Variants in PXDNL observed in about 807,000 individuals in gnomAD.
The protein encoded by PXDNL is peroxidasin like.
Under a neutral mutation model 150.8 loss-of-function variants are expected in PXDNL, and 145 were observed. That is an observed-to-expected ratio of 0.96 (90% confidence interval 0.84 to 1.10). The LOEUF is 1.10. Among genes scored for constraint, PXDNL ranks in the 50% least tolerant of loss-of-function variants. The pLI is 0.00. For missense variants in PXDNL, 2,087 were observed against 1,873.9 expected (o/e 1.11, Z -2.10); for synonymous variants, 757 against 725.7 (o/e 1.04, Z -0.69).
rs375937011 is a variant in PXDNL at position 51,676,115 on chromosome 8, G to A, written c.165-21355C>T. ...TATAGATGGTAAGTCCTCAGTAAAT[G>A]TGCCTTATTACTTAGATTGTTGTTG... On this transcript the variant is annotated intron_variant, in intron 1 of 22. Transcript: ENST00000356297. Among the ~76,000 whole-genome samples, 12 of 152,250 alleles carry A rather than the reference G, an allele frequency of 7.9e-5. No individual in the cohort carries two copies. In the East Asian group the frequency reaches 1.7e-3, roughly 22 times the overall value.
chr8:51,469,918 C>A (rs571425005), intron 8 of PXDNL, among the ~76,000 whole-genome samples: 1 of 151,992 alleles, frequency 6.6e-6, no homozygotes, highest in Admixed American at 6.6e-5. Flanking sequence ...TTTACCCATA[C>A]TTTTCTTTAT....
At chr8:51,608,054 A>AAAGAAAGC (rs1554557536) in intron 2 of PXDNL, among the ~76,000 whole-genome samples, 360 of 111,590 alleles carry the variant, frequency 3.2e-3, no homozygotes, top group African/African-American at 4.9e-3. Context: ...AGAAAGAAAG[A>AAAGAAAGC]AAGCAAGCAA....
intron 19 of PXDNL, among the ~76,000 whole-genome samples, chr8:51,363,048 A>G (rs1325549699): frequency 2.0e-5 from 3 of 152,166 alleles, no homozygotes; most frequent in Non-Finnish European, 4.4e-5. Context: ...TTCCTAGAAC[A>G]GCAGCTACCA....
chr8:51,465,493 A>G (rs1810185661), intron 8 of PXDNL, among the ~76,000 whole-genome samples: 1 of 152,212 alleles, frequency 6.6e-6, no homozygotes, highest in Non-Finnish European at 1.5e-5. Flanking sequence ...GAGAACCAAA[A>G]CAAGACAAGA....
intron 8 of PXDNL, among the ~76,000 whole-genome samples, chr8:51,458,468 A>C (rs1809987988): frequency 6.6e-6 from 1 of 152,234 alleles, no homozygotes; most frequent in Non-Finnish European, 1.5e-5. Flanking sequence ...ATGAGAAGGT[A>C]TATAGATTTT....
chr8:51,552,769 A>G (rs547378930), intron 4 of PXDNL, among the ~76,000 whole-genome samples: 3 of 152,312 alleles, frequency 2.0e-5, no homozygotes, highest in South Asian at 4.1e-4. Context: ...CTCAAAAATT[A>G]CCACTAAAGA....
chr8:51,536,684 A>C (rs1812086010), intron 4 of PXDNL, among the ~76,000 whole-genome samples: 1 of 151,806 alleles, frequency 6.6e-6, no homozygotes, highest in African/African-American at 2.4e-5. Flanking sequence ...TTTCTTCGTA[A>C]TATATCACAA....
chr8:51,623,020 G>A (rs1460740291), intron 2 of PXDNL, among the ~76,000 whole-genome samples: 6 of 152,208 alleles, frequency 3.9e-5, no homozygotes, highest in African/African-American at 1.4e-4. Flanking sequence ...GCTCTGCTCA[G>A]TATAAAGCTT....
At chr8:51,532,820 A>G (rs1026100543) in intron 4 of PXDNL, among the ~76,000 whole-genome samples, 10 of 152,060 alleles carry the variant, frequency 6.6e-5, no homozygotes, top group African/African-American at 2.4e-4. Context: ...AACAAATGAT[A>G]GAATAAGCTT....
At position 51,409,239 on chromosome 8, in the gene PXDNL, G is replaced by T. The variant is rs755904480; in HGVS notation, c.2385C>A (p.Pro795=). Residue 795 remains proline, a synonymous_variant, in exon 17 of 23, where the codon CCC becomes CCA. Transcript: ENST00000356297. ...TVWARAAAVT[P]DHSYTRMLMH... is the part of the protein sequence containing the mutation. Reference sequence around the variant, plus strand: ...TGAGCATGCGCGTGTAGCTGTGGTCGGGGGTGACGGCCGCCGCGCGCGCCC... The same window carrying T: ...TGAGCATGCGCGTGTAGCTGTGGTCTGGGGTGACGGCCGCCGCGCGCGCCC... The T allele has an allele frequency of 6.6e-7, 1 of 1,525,218 alleles. No individual in the cohort carries two copies. Among genetic ancestry groups the T allele is most frequent in the African/African-American group, 1.4e-5 (1 of 72,306 alleles). The allele number at this position is 1,525,218 out of a possible 1,614,324, so 94.5% of individuals were successfully genotyped here. A position where few individuals can be genotyped will look rare whatever the true frequency, so the allele number is the denominator to read the frequency against.
chr8:51,357,572 A>G (rs1055088021), intron 19 of PXDNL, among the ~76,000 whole-genome samples: 7 of 152,210 alleles, frequency 4.6e-5, no homozygotes, highest in African/African-American at 1.4e-4. Context: ...GCTCATATTG[A>G]CAAAATCAGA....
At chr8:51,480,389 C>T (rs1433935371) in intron 6 of PXDNL, among the ~76,000 whole-genome samples, 2 of 152,110 alleles carry the variant, frequency 1.3e-5, no homozygotes, top group African/African-American at 4.8e-5. Context: ...CAGAAGCAGG[C>T]ACTTCACATA....
rs1008660061 is a variant in PXDNL at position 51,781,707 on chromosome 8, G to A, written c.164+27474C>T. Among the ~76,000 whole-genome samples, 9 of 152,314 alleles carry A rather than the reference G, an allele frequency of 5.9e-5. No homozygotes were observed. In the South Asian group the frequency reaches 1.2e-3, roughly 21 times the overall value. On this transcript the variant is annotated intron_variant, in intron 1 of 22. Transcript: ENST00000356297. ...AAGGAAAATATGTTACCACAGGGGA[G>A]AAACAGGGTGGTCCAGCCTGGCAAG...
At chr8:51,326,476 T>C (rs1263646187) in intron 21 of PXDNL, among the ~76,000 whole-genome samples, 2 of 152,132 alleles carry the variant, frequency 1.3e-5, no homozygotes, top group East Asian at 3.9e-4. Flanking sequence ...CTAGCCTGGG[T>C]GAGTGAGACT....
rs534357243 is a variant in PXDNL, at chr8:51,610,315, G to C, written c.237-17617C>G. ...ATCATTAGCACCATCCATAGTTCTG[G>C]AGCTATAAAGAACACATTTTTAATA... On this transcript the variant is annotated intron_variant, in intron 2 of 22. Transcript: ENST00000356297. 5.3e-5 allele frequency among the ~76,000 whole-genome samples: 8 copies of C among 152,166 alleles called. No homozygotes were observed. The East Asian group carries it at 1.5e-3, about 29-fold the overall frequency.
At chr8:51,402,950 C>G (rs1235384167) in intron 17 of PXDNL, among the ~76,000 whole-genome samples, 1 of 150,636 alleles carries the variant, frequency 6.6e-6, no homozygotes, top group Non-Finnish European at 1.5e-5. Context: ...ATTAGCCGGG[C>G]GAGGTGGCCG....
At chr8:51,377,416 C>G (rs574845886) in intron 17 of PXDNL, among the ~76,000 whole-genome samples, 6 of 152,186 alleles carry the variant, frequency 3.9e-5, no homozygotes, top group African/African-American at 1.4e-4. Flanking sequence ...CCACTCTGGC[C>G]GTGCTTGAGG....
At chr8:51,497,948 T>G (rs1276828589) in intron 5 of PXDNL, among the ~76,000 whole-genome samples, 2 of 152,152 alleles carry the variant, frequency 1.3e-5, no homozygotes, top group Non-Finnish European at 2.9e-5. Context: ...CCCAAAGGAT[T>G]ATAAATCATG....
At chr8:51,546,938 C>T (rs761975236) in intron 4 of PXDNL, among the ~76,000 whole-genome samples, 1 of 146,950 alleles carries the variant, frequency 6.8e-6, no homozygotes, top group Non-Finnish European at 1.5e-5. Context: ...CCCCTTGGAA[C>T]ATAACTCCAT....
Sources: allele counts gnomAD v4.1 joint callset (sites outside exome capture counted in the v4.1 genomes callset), GRCh38; gene constraint gnomAD v4.1.1; transcripts MANE v1.5; gene names NCBI Gene and HGNC (gene_info 2026-07-23, HGNC 2026-07-21).